The following NDUFAF2 variants were observed in gnomAD, a reference collection of about 807,000 sequenced individuals.
NDUFAF2 encodes the protein NADH:ubiquinone oxidoreductase complex assembly factor 2.
In NDUFAF2, 13 loss-of-function variants were observed where a neutral mutation model predicts 22.8. The ratio of observed to expected loss-of-function variants is 0.57; its 90% CI spans 0.37 to 0.91. The LOEUF (loss-of-function observed/expected upper bound fraction) is 0.91. NDUFAF2 is among the 40% of genes least tolerant of loss of function. The pLI is 0.01. For missense variants in NDUFAF2, 162 were observed against 195.2 expected (o/e 0.83, Z 1.01); for synonymous variants, 53 against 64.2 (o/e 0.83, Z 0.84).
intron 3 of NDUFAF2, among the ~76,000 whole-genome samples, chr5:61,102,296 T>C (rs1427008713): frequency 6.6e-6 from 1 of 152,128 alleles, no homozygotes; most frequent in Non-Finnish European, 1.5e-5. Flanking sequence ...AAACTATAGT[T>C]ATCTAGACAG....
At chr5:61,050,892 C>T (rs1436228613) in intron 1 of NDUFAF2, among the ~76,000 whole-genome samples, 2 of 152,002 alleles carry the variant, frequency 1.3e-5, no homozygotes, top group Non-Finnish European at 2.9e-5. Context: ...AAAGTGAGTA[C>T]ACAAAGGATG....
At chr5:60,989,218 A>G (rs1751123943) in intron 1 of NDUFAF2, among the ~76,000 whole-genome samples, 1 of 152,180 alleles carries the variant, frequency 6.6e-6, no homozygotes, top group African/African-American at 2.4e-5. Context: ...GTGATATCTT[A>G]TATTAGTCAG....
chr5:61,014,721 G>T (rs1751484360), intron 1 of NDUFAF2, among the ~76,000 whole-genome samples: 1 of 152,082 alleles, frequency 6.6e-6, no homozygotes, highest in Non-Finnish European at 1.5e-5. Context: ...TAATTGGTTG[G>T]TGTGAAGAAA....
At chr5:61,092,860 G>A (rs1752586202) in intron 2 of NDUFAF2, among the ~76,000 whole-genome samples, 1 of 152,118 alleles carries the variant, frequency 6.6e-6, no homozygotes, top group South Asian at 2.1e-4. Context: ...AATATAAGAA[G>A]GGGAGTTTAT....
chr5:60,962,737 G>T (rs1279341361), intron 1 of NDUFAF2, among the ~76,000 whole-genome samples: 1 of 151,424 alleles, frequency 6.6e-6, no homozygotes, highest in African/African-American at 2.4e-5. Context: ...GGAGTCTGAG[G>T]CAGGAGAATT....
chr5:60,961,594 CAAAAAA>C (rs36041608), intron 1 of NDUFAF2, among the ~76,000 whole-genome samples: 1 of 56,696 alleles, frequency 1.8e-5, no homozygotes. Context: ...GACTCTGTCT[CAAAAAA>C]AAAAAAAAAA....
intron 1 of NDUFAF2, among the ~76,000 whole-genome samples, chr5:60,979,266 T>C (rs1750944050): frequency 6.6e-6 from 1 of 152,138 alleles, no homozygotes; most frequent in Admixed American, 6.5e-5. Flanking sequence ...TGACTTTTTC[T>C]ACTTGAAAGG....
chr5:61,111,776 GC>G (rs1752845067), intron 3 of NDUFAF2, among the ~76,000 whole-genome samples: 1 of 151,828 alleles, frequency 6.6e-6, no homozygotes, highest in Admixed American at 6.6e-5. Flanking sequence ...GTGCCACCAC[GC>G]CCGGCTAATT....
chr5:60,969,542 C>T (rs1750800841), intron 1 of NDUFAF2, among the ~76,000 whole-genome samples: 1 of 151,934 alleles, frequency 6.6e-6, no homozygotes, highest in African/African-American at 2.4e-5. Flanking sequence ...ATGTTTTGCC[C>T]ATTTTTATAT....
chr5:60,945,370 A>C lies in NDUFAF2; in HGVS notation c.115A>C (p.Lys39Gln). The change falls in exon 1 of 4, where the codon AAG becomes CAG. Residue 39 changes from lysine to glutamine, a missense_variant. Transcript: ENST00000296597. The stretch of plus-strand genomic sequence containing the variant: ...CAAATACTACTACATCCCGCAGTAC[A>C]AGAACTGGAGAGGTGAGGTGGCGGC... ...GNKYYYIPQY[K>Q]NWRGQTIREK... is the part of the protein sequence containing the mutation. 1 of 1,614,188 alleles carries C rather than the reference A, an allele frequency of 6.2e-7. No individual in the cohort carries two copies. The highest frequency in any genetic ancestry group is 8.5e-7 in the Non-Finnish European group (1 of 1,180,026).
intron 1 of NDUFAF2, among the ~76,000 whole-genome samples, chr5:60,982,363 C>A (rs1455779551): frequency 6.6e-6 from 1 of 151,922 alleles, no homozygotes; most frequent in Non-Finnish European, 1.5e-5. Flanking sequence ...AAAGAGAGAG[C>A]TTGTGCAGGG....
intron 1 of NDUFAF2, among the ~76,000 whole-genome samples, chr5:61,014,852 G>A (rs1443247484): frequency 1.3e-5 from 2 of 152,124 alleles, no homozygotes; most frequent in African/African-American, 4.8e-5. Context: ...CACTAAGACT[G>A]ATAAACTTTC....
chr5:61,070,885 A>G (rs1369576617), intron 1 of NDUFAF2, among the ~76,000 whole-genome samples: 3 of 151,170 alleles, frequency 2.0e-5, no homozygotes, highest in Non-Finnish European at 4.4e-5. Flanking sequence ...ATGTATTTGC[A>G]TTTTTATTTT....
intron 1 of NDUFAF2, among the ~76,000 whole-genome samples, chr5:60,957,995 A>G (rs571024147): frequency 8.5e-5 from 13 of 152,286 alleles, no homozygotes; most frequent in South Asian, 4.1e-4. Context: ...AACATTTGCC[A>G]CTTGCTCTTA....
chr5:60,945,330 G>C lies in NDUFAF2; in HGVS notation c.75G>C (p.Thr25=), dbSNP rs1167914497. 1.9e-6 allele frequency: 3 copies of C among 1,614,158 alleles called. No homozygotes were observed. Among genetic ancestry groups the C allele is most frequent in the East Asian group, 4.5e-5 (2 of 44,876 alleles). ...GGGAAGTGAAGGAGCACGTGGGCAC[G>C]GACCAATTCGGGAACAAATACTACT... The part of the protein sequence containing the change: ...LSREVKEHVG[T]DQFGNKYYYI... Residue 25 remains threonine (T), a synonymous_variant, in exon 1 of 4, where the codon ACG becomes ACC. Transcript: ENST00000296597.
intron 2 of NDUFAF2, among the ~76,000 whole-genome samples, chr5:61,078,961 T>C (rs1380302507): frequency 6.6e-6 from 1 of 152,180 alleles, no homozygotes; most frequent in African/African-American, 2.4e-5. Context: ...TTTTGGTAAG[T>C]TTAAGCTTGT....
intron 1 of NDUFAF2, among the ~76,000 whole-genome samples, chr5:60,983,500 C>G (rs1416888392): frequency 2.7e-5 from 4 of 147,540 alleles, no homozygotes; most frequent in Non-Finnish European, 6.0e-5. Context: ...AATGGTATTG[C>G]CTAGGTTTTC....
chr5:60,968,757 T>G (rs1750790161), intron 1 of NDUFAF2, among the ~76,000 whole-genome samples: 1 of 152,004 alleles, frequency 6.6e-6, no homozygotes, highest in South Asian at 2.1e-4. Context: ...TTAATTTATT[T>G]TTGACAATTG....
intron 1 of NDUFAF2, among the ~76,000 whole-genome samples, chr5:60,999,524 T>C (rs1259263753): frequency 1.3e-5 from 2 of 152,026 alleles, no homozygotes; most frequent in African/African-American, 4.8e-5. Context: ...TCAAGTAAAT[T>C]CACTGATAGA....
Sources: gnomAD v4.1 joint callset for allele counts (sites outside exome capture counted in the v4.1 genomes callset) on GRCh38, gnomAD v4.1.1 for gene constraint, MANE v1.5 for transcripts, NCBI Gene and HGNC (gene_info 2026-07-23, HGNC 2026-07-21) for gene names.